The following DNAH12 variants were observed in gnomAD, a reference collection of about 807,000 sequenced individuals.
DNAH12 encodes dynein axonemal heavy chain 12, also known as axonemal beta dynein heavy chain 12.
In DNAH12, 285 loss-of-function variants were observed where a neutral mutation model predicts 371.5. The ratio of observed to expected loss-of-function variants is 0.77; its 90% CI spans 0.70 to 0.85. The LOEUF is 0.85. Ranked by LOEUF, DNAH12 falls within the 40% of genes least tolerant of loss-of-function variation. DNAH12 has a pLI of 0.00. For synonymous variants in DNAH12, 1,200 were observed against 1,213.0 expected, an observed-to-expected ratio of 0.99 and a Z score of 0.22; for missense variants, 3,611 against 3,689.4, an observed-to-expected ratio of 0.98 and a Z score of 0.55.
chr3:57,506,929 C>A (rs2153392619), intron 8 of DNAH12, among the ~76,000 whole-genome samples: 1 of 151,956 alleles, frequency 6.6e-6, no homozygotes, highest in Admixed American at 6.6e-5. Flanking sequence ...CAAGACATTC[C>A]TCATCTCTTT....
chr3:57,550,237 C>T, the DNAH12 span, among the ~76,000 whole-genome samples: 4 of 152,004 alleles, frequency 2.6e-5, no homozygotes, highest in African/African-American at 7.3e-5. Context: ...ATTGCTTGAG[C>T]CCAGAAATTT....
At chr3:57,488,855 AG>A (rs2067023641) in intron 12 of DNAH12, among the ~76,000 whole-genome samples, 1 of 152,072 alleles carries the variant, frequency 6.6e-6, no homozygotes, top group African/African-American at 2.4e-5. Context: ...TAAAAGGCAA[AG>A]TTGCTTCTTA....
chr3:57,350,255 A>C (rs1424695419), intron 60 of DNAH12, among the ~76,000 whole-genome samples: 8 of 152,154 alleles, frequency 5.3e-5, no homozygotes, highest in African/African-American at 1.4e-4. Context: ...ATGTAACCAA[A>C]CACCACCAGT....
intron 29 of DNAH12, among the ~76,000 whole-genome samples, chr3:57,437,478 T>C (rs3890160): frequency 0.5 from 75,819 of 152,000 alleles, 19,008 homozygotes; most frequent in South Asian, 0.57. Flanking sequence ...AATAAATATA[T>C]AAAAGAACTC....
intron 55 of DNAH12, among the ~76,000 whole-genome samples, chr3:57,373,056 A>G (rs1038158642): frequency 2.6e-5 from 4 of 152,176 alleles, no homozygotes; most frequent in Non-Finnish European, 5.9e-5. Flanking sequence ...ACCTTTCATC[A>G]TGTCCAAAAA....
At chr3:57,428,409 T>A in intron 34 of DNAH12, 2 of 1,491,114 alleles carry the variant, frequency 1.3e-6, no homozygotes, top group East Asian at 2.8e-5. Context: ...TTAGAATTTT[T>A]AAAATTTTAG....
At chr3:57,528,355 G>A (rs1371908454) in intron 2 of DNAH12, among the ~76,000 whole-genome samples, 1 of 151,746 alleles carries the variant, frequency 6.6e-6, no homozygotes, top group Non-Finnish European at 1.5e-5. Context: ...TATCTGTGAA[G>A]AATGTCATTG....
intron 25 of DNAH12, among the ~76,000 whole-genome samples, chr3:57,448,141 T>C (rs147924360): frequency 0.026 from 3,919 of 152,302 alleles, 68 homozygotes; most frequent in Non-Finnish European, 0.034. Flanking sequence ...GGGTGCTTGG[T>C]CTCACTGACT....
rs565336039 is a variant in DNAH12, at chr3:57,452,999, T to C, written c.3630A>G (p.Thr1210=). The stretch of plus-strand genomic sequence containing the variant: ...GGAGCTGAGCAAGCCACAGGAAATC[T>C]GTATCATGTGAGACACCTAGAAAAA... The part of the protein sequence containing the change: ...DMIKMGVSHD[T]DFLWLAQLRY... The change falls in exon 25 of 74, where the codon ACA becomes ACG. Residue 1210 remains threonine (T), a synonymous_variant. Coordinates refer to ENST00000495027, the MANE Select transcript of DNAH12 (RefSeq NM_001366028.2). 1.9e-6 allele frequency: 3 copies of C among 1,546,932 alleles called. No individual in the cohort carries two copies. The African/African-American group carries it at 4.1e-5, about 21-fold the overall frequency.
chr3:57,528,323 C>T (rs62260465), intron 2 of DNAH12, among the ~76,000 whole-genome samples: 40,390 of 151,318 alleles, frequency 0.27, 7,351 homozygotes, highest in African/African-American at 0.51. Context: ...CCACTGCACC[C>T]GGCCTAGGAT....
intron 43 of DNAH12, among the ~76,000 whole-genome samples, 183 bp downstream of exon 43, chr3:57,403,126 C>T (rs990039140): frequency 2.6e-5 from 4 of 151,980 alleles, no homozygotes; most frequent in Non-Finnish European, 4.4e-5. Flanking sequence ...TAGGTAAAAG[C>T]GGTAAAAGCT....
At chr3:57,555,585 T>C in the DNAH12 span, among the ~76,000 whole-genome samples, 2 of 152,210 alleles carry the variant, frequency 1.3e-5, no homozygotes, top group African/African-American at 2.4e-5. Flanking sequence ...GTACTATTTC[T>C]TTCTGCCAAT....
At position 57,323,571 on chromosome 3, in the gene DNAH12, AC is replaced by A; in HGVS notation, c.10026del (p.Lys3342AsnfsTer3). 6.5e-7 allele frequency: 1 copy of A among 1,550,332 alleles called. No homozygotes were observed. Among genetic ancestry groups the A allele is most frequent in the Non-Finnish European group, 8.7e-7 (1 of 1,146,632 alleles). ...AAATCAAATGGTGGAGGCTCTACAA[AC>A]TTTTTCCCTAGTTTGTCAGTTACAT... ...TNYVTDKLGK[K>X]FVEPPPFDLT... On this transcript the variant is annotated frameshift_variant, in exon 63 of 74. Transcript: ENST00000495027. LOFTEE classifies it high-confidence loss of function.
chr3:57,403,451 C>T lies in DNAH12; in HGVS notation c.6806G>A (p.Gly2269Asp). Residue 2269 changes from glycine (G) to aspartate (D), a missense_variant, in exon 43 of 74, where the codon GGT (glycine) becomes GAT (aspartate). Physicochemically the swap from Gly to Asp is moderately conservative, Grantham distance 94. Coordinates refer to ENST00000495027, the MANE Select transcript of DNAH12 (RefSeq NM_001366028.2). ...AAGACCAACAAGCAAAGCATTTCCA[C>T]CAGATTGCTTTAGAACTCGACATAT... The part of the protein sequence containing the change: ...SRICRVLKQS[G>D]GNALLVGLGG... The T allele has an allele frequency of 6.4e-7, 1 of 1,551,326 alleles. No individual in the cohort carries two copies. The highest frequency in any genetic ancestry group is 8.7e-7 in the Non-Finnish European group (1 of 1,146,812).
At position 57,306,742 on chromosome 3, in the gene DNAH12, A is replaced by C. The variant is rs555217698; in HGVS notation, c.11189+2409T>G. On this transcript the variant is annotated intron_variant, in intron 69 of 73. Transcript: ENST00000495027. ...CTCGCCTGCCACAGCATGGCCTTTT[A>C]AAGCCTATAAACTCCCCTTACAATT... Among the ~76,000 whole-genome samples, 203 of 152,274 alleles carry C rather than the reference A, an allele frequency of 1.3e-3. 1 individual carries two copies. The highest frequency in any genetic ancestry group is 4.7e-3 in the African/African-American group (197 of 41,548).
intron 43 of DNAH12, among the ~76,000 whole-genome samples, chr3:57,395,044 A>G (rs2063708298): frequency 6.6e-6 from 1 of 152,212 alleles, no homozygotes; most frequent in Non-Finnish European, 1.5e-5. Context: ...ATATAAAAAT[A>G]TAATTATATT....
rs2062988452 is a variant in DNAH12, at chr3:57,363,743, C to T, written c.9211G>A (p.Ala3071Thr). ...TCTTTCAGCTGTTTCTTGTTAGCTG[C>T]AGACTGAAGAATCAGGGCATTTCGT... ...EERNALILQS[A>T]ANKKQLKDIE... Residue 3071 changes from alanine to threonine, a missense_variant, in exon 58 of 74, where the codon GCA becomes ACA. By Grantham distance (58) the Ala-to-Thr change is moderately conservative. This residue lies in a region of DNAH12 where 2,266 missense variants were observed against 2,236.9 expected (regional missense o/e 1.01). Coordinates refer to ENST00000495027, the MANE Select transcript of DNAH12 (RefSeq NM_001366028.2). The T allele has an allele frequency of 6.6e-6, 1 of 152,074 alleles. No homozygotes were observed. Among genetic ancestry groups the T allele is most frequent in the Non-Finnish European group, 1.5e-5 (1 of 68,008 alleles). 9.4% of individuals were successfully genotyped at this position (152,074 alleles called of 1,614,324 possible).
At chr3:57,352,374 A>C in intron 59 of DNAH12, 149 bp from the exon 60 acceptor site, 1 of 826,092 alleles carries the variant, frequency 1.2e-6, no homozygotes, top group Non-Finnish European at 1.8e-6. Context: ...AAACTGGTGA[A>C]ATCTGAATAA....
chr3:57,369,953 A>G (rs1049268309), intron 55 of DNAH12, among the ~76,000 whole-genome samples: 3,615 of 152,298 alleles, frequency 0.024, 66 homozygotes, highest in Admixed American at 0.035. Flanking sequence ...TTATGTGAAT[A>G]CTGGAAAATT....
Sources: gnomAD v4.1 joint callset for allele counts (sites outside exome capture counted in the v4.1 genomes callset) on GRCh38, gnomAD v4.1.1 for gene constraint, gnomAD v4.1.1 regional missense constraint, MANE v1.5 for transcripts, NCBI Gene and HGNC (gene_info 2026-07-23, HGNC 2026-07-21) for gene names.